FAAH2: variants seen among roughly 807,000 people sequenced by gnomAD.
The protein encoded by FAAH2 is fatty acid amide hydrolase 2.
In FAAH2, 60 loss-of-function variants were observed where a neutral mutation model predicts 36.9. The ratio of observed to expected loss-of-function variants is 1.63; its 90% CI spans 1.32 to 2.02. The LOEUF is 2.02. FAAH2 is among the 30% of genes most tolerant of loss of function. The probability of loss-of-function intolerance (pLI) is 0.00; values close to 1 mark genes in which losing one functional copy is unlikely to be tolerated. For missense variants in FAAH2, 689 were observed against 397.5 expected (o/e 1.73, Z -6.23); for synonymous variants, 214 against 143.8 (o/e 1.49, Z -3.49).
At chrX:57,174,471 C>A in the FAAH2 span, among the ~76,000 whole-genome samples, 1 of 111,484 alleles carries the variant, frequency 9.0e-6, no homozygotes, top group African/African-American at 3.2e-5. Context: ...TTATTTGAAT[C>A]TTTTATTGTC....
intron 3 of FAAH2, among the ~76,000 whole-genome samples, chrX:57,325,579 T>G (rs2053190947): frequency 9.3e-6 from 1 of 107,562 alleles, no homozygotes; most frequent in Non-Finnish European, 1.9e-5. Flanking sequence ...ACAGTGTAGG[T>G]GTCGAGGAAT....
chrX:57,308,970 C>A (rs1175362648), intron 2 of FAAH2, among the ~76,000 whole-genome samples: 5 of 111,965 alleles, frequency 4.5e-5, no homozygotes, highest in Non-Finnish European at 9.4e-5. Flanking sequence ...TTATCATATT[C>A]ATTTTTTAAT....
chrX:57,168,876 C>A, the FAAH2 span, among the ~76,000 whole-genome samples: 1 of 112,174 alleles, frequency 8.9e-6, no homozygotes, highest in African/African-American at 3.2e-5. Context: ...TGGGTTTTGA[C>A]AAAAGCATAG....
the FAAH2 span, among the ~76,000 whole-genome samples, chrX:57,131,039 G>C: frequency 5.6e-4 from 61 of 109,507 alleles, no homozygotes; most frequent in Non-Finnish European, 9.5e-4. Context: ...TGTGAGAGGA[G>C]TTGGACATGT....
At chrX:57,164,081 A>G in the FAAH2 span, among the ~76,000 whole-genome samples, 4 of 112,321 alleles carry the variant, frequency 3.6e-5, no homozygotes, top group African/African-American at 9.7e-5. Context: ...TAAGGCCAGA[A>G]GAAAACAGAA....
At chrX:57,327,936 T>G (rs998002468) in intron 3 of FAAH2, among the ~76,000 whole-genome samples, 1 of 102,490 alleles carries the variant, frequency 9.8e-6, no homozygotes, top group Non-Finnish European at 2.1e-5. Context: ...GAGTTTCTGG[T>G]TTTTTTGCTC....
At chrX:57,243,349 C>T in the FAAH2 span, among the ~76,000 whole-genome samples, 2 of 112,218 alleles carry the variant, frequency 1.8e-5, no homozygotes, top group African/African-American at 6.5e-5. Flanking sequence ...TTCCTGCCTG[C>T]CAGCTCTGAA....
At chrX:57,338,778 A>G (rs769590172) in intron 4 of FAAH2, among the ~76,000 whole-genome samples, 3 of 112,021 alleles carry the variant, frequency 2.7e-5, no homozygotes, top group Non-Finnish European at 5.6e-5. Context: ...AATGGAAAAA[A>G]AAAATCCATG....
chrX:57,328,086 G>T (rs1205978959), intron 3 of FAAH2, among the ~76,000 whole-genome samples: 1 of 112,135 alleles, frequency 8.9e-6, no homozygotes, highest in Non-Finnish European at 1.9e-5. Context: ...AGGTCTGTTG[G>T]AGTTTGCTGG....
chrX:57,306,984 C>A (rs1273360340), intron 2 of FAAH2, among the ~76,000 whole-genome samples: 2 of 12,099 alleles, frequency 1.7e-4, no homozygotes, highest in African/African-American at 2.1e-4. Flanking sequence ...TATACACACA[C>A]ACACACACAG....
chrX:57,442,302 G>A (rs978198239), intron 8 of FAAH2, among the ~76,000 whole-genome samples: 3 of 111,612 alleles, frequency 2.7e-5, no homozygotes, highest in Non-Finnish European at 5.6e-5. Context: ...CCTGTATTGG[G>A]TGCATATATA....
At chrX:57,306,690 TTGTGTGTGTGTGTGTG>T (rs758466450) in intron 2 of FAAH2, among the ~76,000 whole-genome samples, 6 of 68,609 alleles carry the variant, frequency 8.7e-5, no homozygotes, top group Non-Finnish European at 1.5e-4. Context: ...TAGCAACATC[TTGTGTGTGTGTGTGTG>T]TGTGTGTGTG....
the FAAH2 span, among the ~76,000 whole-genome samples, chrX:57,167,654 C>T: frequency 1.8e-5 from 2 of 111,339 alleles, no homozygotes; most frequent in African/African-American, 6.5e-5. Flanking sequence ...TTCCTTCTGC[C>T]AGTGTTAAGG....
intron 3 of FAAH2, among the ~76,000 whole-genome samples, chrX:57,330,252 T>C (rs917286631): frequency 4.5e-5 from 5 of 111,823 alleles, no homozygotes; most frequent in African/African-American, 1.6e-4. Flanking sequence ...GGAACATCCC[T>C]GAGAAAGAGA....
At chrX:57,179,872 T>TA in the FAAH2 span, among the ~76,000 whole-genome samples, 13 of 110,324 alleles carry the variant, frequency 1.2e-4, no homozygotes, top group Admixed American at 7.7e-4. Context: ...ATCAAATATA[T>TA]AAAAAAAAGC....
chrX:57,306,867 A>T (rs1034588269), intron 2 of FAAH2, among the ~76,000 whole-genome samples: 1 of 91,969 alleles, frequency 1.1e-5, no homozygotes, highest in South Asian at 5.1e-4. Context: ...ATATATACAC[A>T]CTATATATAC....
the FAAH2 span, among the ~76,000 whole-genome samples, chrX:57,185,944 A>C: frequency 9.0e-6 from 1 of 111,635 alleles, no homozygotes; most frequent in East Asian, 2.8e-4. Context: ...TATGTGCCAC[A>C]TTTCCTTTAT....
rs202211095 is a variant in FAAH2 at position 57,329,625 on chromosome X, C to CCACA, written c.413-1950_413-1947dup. On this transcript the variant is annotated intron_variant, in intron 3 of 10. Coordinates refer to ENST00000374900, the MANE Select transcript of FAAH2 (RefSeq NM_174912.4). The stretch of plus-strand genomic sequence containing the variant: ...GCTGGTAGAGAAGGGAAGACAAGGT[C>CCACA]CACACACACACACACACACACACAC... Among the ~76,000 whole-genome samples, 504 of 102,105 alleles carry CCACA rather than the reference C, an allele frequency of 4.9e-3. 5 individuals carry two copies. Among genetic ancestry groups the CCACA allele is most frequent in the East Asian group, 0.026 (85 of 3,235 alleles). The allele number at this position is 102,105 out of a possible 115,157, so 88.7% of individuals were successfully genotyped here. A position where few individuals can be genotyped will look rare whatever the true frequency, so the allele number is the denominator to read the frequency against.
chrX:57,414,448 G>A (rs2055785547), intron 7 of FAAH2, among the ~76,000 whole-genome samples: 1 of 111,553 alleles, frequency 9.0e-6, no homozygotes, highest in South Asian at 3.8e-4. Flanking sequence ...TTTATCAAAG[G>A]CCTTTTCTGC....
Sources: allele counts gnomAD v4.1 joint callset (sites outside exome capture counted in the v4.1 genomes callset), GRCh38; gene constraint gnomAD v4.1.1; transcripts MANE v1.5; gene names NCBI Gene and HGNC (gene_info 2026-07-23, HGNC 2026-07-21).